Variants in CTTNBP2 observed in about 807,000 individuals in gnomAD.
CTTNBP2 encodes cortactin-binding protein 2.
CTTNBP2 carries 108 observed loss-of-function variants against 156.9 expected under a neutral mutation model. That is an observed-to-expected ratio of 0.69 (90% CI 0.59 to 0.81). CTTNBP2 has a LOEUF of 0.81. Ranked by LOEUF, CTTNBP2 falls within the 30% of genes least tolerant of loss-of-function variation. The pLI is 0.00. For missense variants in CTTNBP2, 1,924 were observed against 2,035.4 expected (o/e 0.95, Z 1.05); for synonymous variants, 767 against 751.8 (o/e 1.02, Z -0.33).
intron 2 of CTTNBP2, among the ~76,000 whole-genome samples, chr7:117,851,870 G>C (rs181617043): frequency 6.6e-6 from 1 of 152,124 alleles, no homozygotes; most frequent in Non-Finnish European, 1.5e-5. Context: ...ACACTTTTGA[G>C]ACTTTTTTAT....
chr7:117,747,990 C>T (rs1796425957), intron 12 of CTTNBP2, among the ~76,000 whole-genome samples: 2 of 151,976 alleles, frequency 1.3e-5, no homozygotes, highest in African/African-American at 4.8e-5. Context: ...CCGTAATATT[C>T]TCTGAGTTGG....
chr7:117,812,086 A>G (rs1800329910), intron 2 of CTTNBP2, among the ~76,000 whole-genome samples: 1 of 152,086 alleles, frequency 6.6e-6, no homozygotes. Flanking sequence ...ATCCCAGGAA[A>G]GTATGCAACT....
intron 2 of CTTNBP2, among the ~76,000 whole-genome samples, chr7:117,815,074 TA>T (rs1313381943): frequency 3.9e-5 from 6 of 152,262 alleles, no homozygotes; most frequent in Admixed American, 3.9e-4. Context: ...TGCCAGGTAA[TA>T]ATGTTGTTCT....
intron 19 of CTTNBP2, among the ~76,000 whole-genome samples, chr7:117,722,158 T>C (rs1794827291): frequency 6.6e-6 from 1 of 152,168 alleles, no homozygotes; most frequent in South Asian, 2.1e-4. Context: ...TCTGACATCA[T>C]TGGCCTTTCT....
At chr7:117,865,248 G>GA (rs905705469) in intron 1 of CTTNBP2, among the ~76,000 whole-genome samples, 8 of 151,168 alleles carry the variant, frequency 5.3e-5, no homozygotes, top group Admixed American at 3.3e-4. Context: ...ACGCCCCCCA[G>GA]AAAAAAATCA....
chr7:117,790,779 G>A (rs960752858), intron 4 of CTTNBP2, among the ~76,000 whole-genome samples: 4 of 152,082 alleles, frequency 2.6e-5, no homozygotes, highest in Non-Finnish European at 2.9e-5. Flanking sequence ...GACCCACTGA[G>A]GTCTTGCGAG....
At chr7:117,804,112 G>A (rs1433804371) in intron 3 of CTTNBP2, among the ~76,000 whole-genome samples, 2 of 151,988 alleles carry the variant, frequency 1.3e-5, no homozygotes, top group African/African-American at 2.4e-5. Context: ...ACAGGTATGC[G>A]AGAACATACC....
intron 2 of CTTNBP2, among the ~76,000 whole-genome samples, chr7:117,841,909 A>G (rs1436629547): frequency 6.6e-6 from 1 of 152,190 alleles, no homozygotes; most frequent in Non-Finnish European, 1.5e-5. Context: ...CACAAGCAGG[A>G]CAGCAAACAG....
intron 3 of CTTNBP2, among the ~76,000 whole-genome samples, chr7:117,794,204 C>A (rs1026794406): frequency 5.9e-5 from 9 of 152,110 alleles, no homozygotes; most frequent in African/African-American, 2.2e-4. Flanking sequence ...TGGCACTAGT[C>A]TAACATGTTA....
At chr7:117,781,808 T>C (rs1331671924) in intron 6 of CTTNBP2, among the ~76,000 whole-genome samples, 1 of 152,182 alleles carries the variant, frequency 6.6e-6, no homozygotes, top group Non-Finnish European at 1.5e-5. Context: ...TATCCATGCT[T>C]CCATTCCTGT....
Position 117,853,288 on chromosome 7 carries a change from A to T in CTTNBP2, c.189+7921T>A, listed in dbSNP as rs377727387. On this transcript the variant is annotated intron_variant, in intron 2 of 22. Transcript: ENST00000160373. ...GATAAAACCACCCTCTTCCTTTTTCATTTTTTAGTTTACTTTTAGCTGGTT... is the reference window on the plus strand; with the variant it reads ...GATAAAACCACCCTCTTCCTTTTTCTTTTTTTAGTTTACTTTTAGCTGGTT... 1.3e-3 allele frequency among the ~76,000 whole-genome samples: 198 copies of T among 152,176 alleles called. 1 individual carries two copies. The highest frequency in any genetic ancestry group is 4.6e-3 in the African/African-American group (190 of 41,522).
Position 117,805,019 on chromosome 7 carries a change from T to C in CTTNBP2, c.414+5746A>G, listed in dbSNP as rs571753989. On this transcript the variant is annotated intron_variant, in intron 3 of 22. Transcript: ENST00000160373. ...TCTCTCTTCTTGATTGTTTCAATCT[T>C]TATTAATACATTTTGAATGTCTTTT... 2.4e-4 allele frequency among the ~76,000 whole-genome samples: 36 copies of C among 152,368 alleles called. 1 individual carries two copies. The highest frequency in any genetic ancestry group is 4.9e-4 in the Non-Finnish European group (33 of 68,034).
chr7:117,839,183 G>GGCAGA (rs1213432235), intron 2 of CTTNBP2, among the ~76,000 whole-genome samples: 63 of 152,218 alleles, frequency 4.1e-4, no homozygotes, highest in South Asian at 2.3e-3. Context: ...TTCATAGTGT[G>GGCAGA]TTCTCCTCAC....
At chr7:117,752,513 T>C (rs1796664978) in intron 12 of CTTNBP2, among the ~76,000 whole-genome samples, 1 of 152,218 alleles carries the variant, frequency 6.6e-6, no homozygotes. Flanking sequence ...AAAATGTACT[T>C]GTATTATTTT....
chr7:117,842,354 C>T (rs954506771), intron 2 of CTTNBP2, among the ~76,000 whole-genome samples: 9 of 152,190 alleles, frequency 5.9e-5, no homozygotes, highest in East Asian at 5.8e-4. Flanking sequence ...GCACCTGCCA[C>T]CACATCTGGC....
intron 1 of CTTNBP2, among the ~76,000 whole-genome samples, chr7:117,865,226 C>T (rs1057278546): frequency 6.6e-6 from 1 of 151,040 alleles, no homozygotes; most frequent in Admixed American, 6.6e-5. Flanking sequence ...AAACATGACC[C>T]CCAAATCCCC....
intron 1 of CTTNBP2, among the ~76,000 whole-genome samples, chr7:117,864,643 C>A (rs1470326521): frequency 6.8e-6 from 1 of 147,270 alleles, no homozygotes; most frequent in Non-Finnish European, 1.5e-5. Context: ...TATATATATT[C>A]ATATATCTAG....
intron 10 of CTTNBP2, among the ~76,000 whole-genome samples, chr7:117,759,011 G>A (rs1024841943): frequency 6.6e-6 from 1 of 152,166 alleles, no homozygotes; most frequent in African/African-American, 2.4e-5. Flanking sequence ...ATCAGACCCT[G>A]GGCCAGAACC....
At chr7:117,774,176 A>G (rs890726789) in intron 8 of CTTNBP2, among the ~76,000 whole-genome samples, 3 of 152,172 alleles carry the variant, frequency 2.0e-5, no homozygotes, top group African/African-American at 7.2e-5. Context: ...CTGTAGAGAG[A>G]GGTTTTCCGA....
Sources: allele counts gnomAD v4.1 joint callset (sites outside exome capture counted in the v4.1 genomes callset), GRCh38; gene constraint gnomAD v4.1.1; transcripts MANE v1.5; gene names NCBI Gene and HGNC (gene_info 2026-07-23, HGNC 2026-07-21).